The following TRDN variants were observed in gnomAD, a reference collection of about 807,000 sequenced individuals.
The protein encoded by TRDN is triadin.
TRDN carries 161 observed loss-of-function variants against 149.7 expected under a neutral mutation model. The ratio of observed to expected loss-of-function variants is 1.08; its 90% CI spans 0.95 to 1.23. TRDN has a LOEUF of 1.23. Among genes scored for constraint, TRDN ranks in the 50% most tolerant of loss-of-function variants. The probability of loss-of-function intolerance (pLI) is 0.00; values close to 1 mark genes in which losing one functional copy is unlikely to be tolerated. For synonymous variants in TRDN, 294 were observed against 250.5 expected (o/e 1.17, Z -1.64); for missense variants, 896 against 823.5 (o/e 1.09, Z -1.08).
At chr6:123,352,102 C>A in intron 21 of TRDN, 2 of 980,238 alleles carry the variant, frequency 2.0e-6, no homozygotes, top group Non-Finnish European at 2.4e-6. Flanking sequence ...CTGTTATTTT[C>A]TTCATTTTAA....
At chr6:123,220,936 C>A (rs1013032480) in intron 40 of TRDN, among the ~76,000 whole-genome samples, 1 of 151,428 alleles carries the variant, frequency 6.6e-6, no homozygotes, top group African/African-American at 2.4e-5. Flanking sequence ...TTGGAAGAAC[C>A]GAAATAATGA....
At chr6:123,246,299 G>A (rs986802502) in intron 38 of TRDN, among the ~76,000 whole-genome samples, 3 of 152,176 alleles carry the variant, frequency 2.0e-5, no homozygotes, top group Admixed American at 6.6e-5. Context: ...GAATCTAGGA[G>A]CTGTTTTTTG....
At chr6:123,491,842 A>AT (rs559757768) in intron 9 of TRDN, among the ~76,000 whole-genome samples, 2 of 152,118 alleles carry the variant, frequency 1.3e-5, no homozygotes, top group Non-Finnish European at 2.9e-5. Flanking sequence ...TTGGAGCAGG[A>AT]TTTTTTTCAG....
chr6:123,560,268 A>G (rs1781913531), intron 2 of TRDN, among the ~76,000 whole-genome samples: 2 of 152,132 alleles, frequency 1.3e-5, no homozygotes, highest in African/African-American at 2.4e-5. Context: ...ACTACCTCTC[A>G]GCAAGCCAAA....
At chr6:123,599,351 C>A (rs765119216) in intron 1 of TRDN, among the ~76,000 whole-genome samples, 16 of 151,954 alleles carry the variant, frequency 1.1e-4, no homozygotes, top group Non-Finnish European at 2.1e-4. Context: ...ATTTGAAGAG[C>A]CTTTACATTG....
At chr6:123,441,595 A>G (rs1055653284) in intron 10 of TRDN, among the ~76,000 whole-genome samples, 7 of 152,140 alleles carry the variant, frequency 4.6e-5, no homozygotes, top group Non-Finnish European at 1.0e-4. Context: ...CAAATATGTT[A>G]TTAGCTTCTG....
chr6:123,493,799 A>C (rs1472784708), intron 9 of TRDN, among the ~76,000 whole-genome samples: 1 of 152,160 alleles, frequency 6.6e-6, no homozygotes, highest in East Asian at 1.9e-4. Flanking sequence ...ATGTCTCACC[A>C]CTTACATTGT....
chr6:123,557,725 C>T (rs528075667), intron 2 of TRDN, among the ~76,000 whole-genome samples: 10 of 152,088 alleles, frequency 6.6e-5, no homozygotes, highest in South Asian at 2.1e-4. Context: ...CAGCAAGCAC[C>T]GCTTTTCTGG....
At chr6:123,300,036 C>T (rs1404866687) in intron 24 of TRDN, among the ~76,000 whole-genome samples, 1 of 151,872 alleles carries the variant, frequency 6.6e-6, no homozygotes, top group Non-Finnish European at 1.5e-5. Context: ...GTTTAAGAAG[C>T]TTCCAAGTTT....
intron 1 of TRDN, among the ~76,000 whole-genome samples, chr6:123,608,557 G>A (rs137980300): frequency 1.1e-4 from 17 of 152,104 alleles, no homozygotes; most frequent in African/African-American, 4.1e-4. Context: ...GAAATGTGTA[G>A]GCATTTCACA....
chr6:123,582,900 C>T (rs1376752303), intron 1 of TRDN, among the ~76,000 whole-genome samples: 3 of 151,702 alleles, frequency 2.0e-5, no homozygotes, highest in African/African-American at 7.3e-5. Flanking sequence ...AGAGATTAAG[C>T]TGAAGGAAGA....
intron 5 of TRDN, chr6:123,529,466 T>C (rs1780120353): frequency 3.9e-6 from 4 of 1,033,386 alleles, no homozygotes; most frequent in Non-Finnish European, 5.9e-6. Context: ...AAAGACATAA[T>C]ATCTGTAGAA....
At chr6:123,297,545 T>C (rs1173073527) in intron 24 of TRDN, among the ~76,000 whole-genome samples, 1 of 152,054 alleles carries the variant, frequency 6.6e-6, no homozygotes, top group Non-Finnish European at 1.5e-5. Flanking sequence ...ATTCATTCAG[T>C]AAACATTTAG....
intron 10 of TRDN, among the ~76,000 whole-genome samples, chr6:123,439,385 GAATT>G (rs1225429033): frequency 1.3e-5 from 2 of 152,038 alleles, no homozygotes; most frequent in African/African-American, 4.8e-5. Context: ...TAAACTAGAA[GAATT>G]AATATTTGTT....
intron 12 of TRDN, among the ~76,000 whole-genome samples, chr6:123,400,995 G>C (rs541067138): frequency 6.6e-6 from 1 of 152,282 alleles, no homozygotes; most frequent in South Asian, 2.1e-4. Context: ...ACAGTTCTTG[G>C]TACTGAGCAG....
At chr6:123,554,997 G>T (rs1781573809) in intron 2 of TRDN, among the ~76,000 whole-genome samples, 1 of 152,166 alleles carries the variant, frequency 6.6e-6, no homozygotes, top group African/African-American at 2.4e-5. Flanking sequence ...CTTGCACAGT[G>T]AATTTAATAG....
chr6:123,541,387 C>CT (rs1181605966), intron 4 of TRDN, among the ~76,000 whole-genome samples: 1 of 152,174 alleles, frequency 6.6e-6, no homozygotes, highest in Non-Finnish European at 1.5e-5. Context: ...AGTACTACAG[C>CT]TGCCTGAGTC....
chr6:123,553,934 T>A (rs1583233792), intron 2 of TRDN, among the ~76,000 whole-genome samples: 1 of 152,162 alleles, frequency 6.6e-6, no homozygotes, highest in South Asian at 2.1e-4. Context: ...TAATATGGTT[T>A]AATAAATGTT....
chr6:123,509,883 G>A (rs1441414810), intron 7 of TRDN: 1 of 151,688 alleles, frequency 6.6e-6, no homozygotes, highest in Non-Finnish European at 1.5e-5. Context: ...TATACTGACT[G>A]CACCTGGGTT....
Sources: allele counts gnomAD v4.1 joint callset (sites outside exome capture counted in the v4.1 genomes callset), GRCh38; gene constraint gnomAD v4.1.1; transcripts MANE v1.5; gene names NCBI Gene and HGNC (gene_info 2026-07-23, HGNC 2026-07-21).